Variants in STARD13 observed in about 807,000 individuals in gnomAD.
The protein encoded by STARD13 is stAR-related lipid transfer protein 13.
In STARD13, 62 loss-of-function variants were observed where a neutral mutation model predicts 106.4. The ratio of observed to expected loss-of-function variants is 0.58; its 90% confidence interval spans 0.48 to 0.72. STARD13 has a LOEUF of 0.72. STARD13 is among the 30% of genes least tolerant of loss of function. The pLI is 0.00. For synonymous variants in STARD13, 565 were observed against 553.0 expected (o/e 1.02, Z -0.31); for missense variants, 1,387 against 1,424.0 (o/e 0.97, Z 0.42).
At chr13:33,198,063 A>G (rs797196) in intron 1 of STARD13, among the ~76,000 whole-genome samples, 79,117 of 151,414 alleles carry the variant, frequency 0.52, 21,596 homozygotes, top group African/African-American at 0.69. Context: ...CTAGCTACTT[A>G]GGAGGGAGGC....
intron 1 of STARD13, among the ~76,000 whole-genome samples, chr13:33,243,370 C>A (rs936162109): frequency 2.0e-5 from 3 of 152,128 alleles, no homozygotes; most frequent in Non-Finnish European, 4.4e-5. Flanking sequence ...GGCACAGATT[C>A]CTGCCAGTGT....
At chr13:33,479,298 C>A in the STARD13 span, among the ~76,000 whole-genome samples, 16 of 152,278 alleles carry the variant, frequency 1.1e-4, no homozygotes, top group South Asian at 3.3e-3. Flanking sequence ...CACGGCATAA[C>A]CCCTATGAAG....
At chr13:33,253,702 C>T (rs1391700792) in intron 1 of STARD13, among the ~76,000 whole-genome samples, 1 of 151,918 alleles carries the variant, frequency 6.6e-6, no homozygotes, top group East Asian at 1.9e-4. Flanking sequence ...ACCACGGTGA[C>T]CCCCTTCAAT....
intron 1 of STARD13, among the ~76,000 whole-genome samples, chr13:33,317,712 T>C (rs1039710185): frequency 1.3e-5 from 2 of 152,184 alleles, no homozygotes; most frequent in African/African-American, 4.8e-5. Flanking sequence ...CTTGATACTA[T>C]GTTATATATT....
chr13:33,219,398 T>C (rs914103385), intron 1 of STARD13, among the ~76,000 whole-genome samples: 3 of 151,594 alleles, frequency 2.0e-5, no homozygotes, highest in Non-Finnish European at 4.4e-5. Context: ...ACATGATTTG[T>C]GGATCCCAGT....
intron 2 of STARD13, among the ~76,000 whole-genome samples, chr13:33,166,691 T>C (rs1490293818): frequency 6.6e-6 from 1 of 152,160 alleles, no homozygotes; most frequent in African/African-American, 2.4e-5. Flanking sequence ...GTCTATTAAC[T>C]GTCAATTAAA....
chr13:33,333,560 C>T (rs920738623), intron 1 of STARD13: 1 of 152,172 alleles, frequency 6.6e-6, no homozygotes, highest in Non-Finnish European at 1.5e-5. Flanking sequence ...GTCTACAAAG[C>T]TGACAGGTGC....
At chr13:33,292,924 G>A (rs1566122458) in intron 1 of STARD13, among the ~76,000 whole-genome samples, 1 of 151,762 alleles carries the variant, frequency 6.6e-6, no homozygotes, top group Non-Finnish European at 1.5e-5. Context: ...ACCAGGTCCT[G>A]CACAATCTAG....
chr13:33,337,668 C>T (rs1317367556), intron 1 of STARD13, among the ~76,000 whole-genome samples: 2 of 152,168 alleles, frequency 1.3e-5, no homozygotes, highest in African/African-American at 4.8e-5. Flanking sequence ...ATTGTAGATA[C>T]TCAAGGGACT....
chr13:33,247,684 TCCC>T (rs1889896986), intron 1 of STARD13, among the ~76,000 whole-genome samples: 1 of 152,194 alleles, frequency 6.6e-6, no homozygotes, highest in African/African-American at 2.4e-5. Flanking sequence ...ATATTAGATA[TCCC>T]AGTTATATAT....
the STARD13 span, among the ~76,000 whole-genome samples, chr13:33,471,630 CCT>C: frequency 1.7e-4 from 24 of 143,506 alleles, no homozygotes; most frequent in East Asian, 1.4e-3. Flanking sequence ...ATATTGGCCC[CCT>C]GTTTTTTTTT....
At chr13:33,363,208 C>T in the STARD13 span, among the ~76,000 whole-genome samples, 1 of 152,192 alleles carries the variant, frequency 6.6e-6, no homozygotes, top group Non-Finnish European at 1.5e-5. Context: ...TTTACTTAAT[C>T]AGTCCTTTTT....
chr13:33,200,535 C>T (rs1035495156), intron 1 of STARD13, among the ~76,000 whole-genome samples: 3 of 152,238 alleles, frequency 2.0e-5, no homozygotes, highest in African/African-American at 7.2e-5. Context: ...TAACCTGCTG[C>T]CACCGACATT....
rs559734229 is a variant in STARD13 at position 33,248,079 on chromosome 13, G to A, written c.169+37391C>T. 2.6e-5 allele frequency among the ~76,000 whole-genome samples: 4 copies of A among 152,256 alleles called. No homozygotes were observed. The East Asian group carries it at 7.7e-4, about 29-fold the overall frequency. The stretch of plus-strand genomic sequence containing the variant: ...AAACTTACATTTCTATTATTGTCTT[G>A]ACTTTCGAATGAGTCAGGGCTATCG... On this transcript the variant is annotated intron_variant, in intron 1 of 13. Transcript: ENST00000336934.
the STARD13 span, among the ~76,000 whole-genome samples, chr13:33,610,316 GA>G: frequency 4.0e-5 from 6 of 151,738 alleles, no homozygotes; most frequent in East Asian, 1.9e-4. Context: ...TATTTAAGGA[GA>G]AAAAAAAGCA....
At chr13:33,567,796 A>G in the STARD13 span, among the ~76,000 whole-genome samples, 1 of 147,966 alleles carries the variant, frequency 6.8e-6, no homozygotes, top group South Asian at 2.1e-4. Flanking sequence ...AATTTTAAGC[A>G]TGGGGTCAAA....
intron 6 of STARD13, 116 bp downstream of exon 6, chr13:33,127,257 T>C (rs1490670091): frequency 1.7e-6 from 2 of 1,149,144 alleles, no homozygotes; most frequent in Non-Finnish European, 2.3e-6. Context: ...CAGGAGATCA[T>C]CAGTGAAGGC....
chr13:33,106,841 T>C lies in STARD13; in HGVS notation c.3141A>G (p.Ala1047=), dbSNP rs1242401559. 1.2e-6 allele frequency: 2 copies of C among 1,614,152 alleles called. No individual in the cohort carries two copies. Among genetic ancestry groups the C allele is most frequent in the South Asian group, 1.1e-5 (1 of 91,080 alleles). The part of the protein sequence containing the change: ...EEAQLLGGVR[A]VVMDSQYLIE... ...TCAAGTACTGCGAGTCCATCACCAC[T>C]GCTCGCACACCACCCAGGAGCTGGG... Residue 1047 remains alanine (A), a synonymous_variant, in exon 13 of 14, where the codon GCA becomes GCG. Transcript: ENST00000336934.
the STARD13 span, among the ~76,000 whole-genome samples, chr13:33,588,568 G>T: frequency 6.6e-6 from 1 of 152,174 alleles, no homozygotes; most frequent in Non-Finnish European, 1.5e-5. Flanking sequence ...ATAATTAAAA[G>T]TTGATTGAAA....
Sources: gnomAD v4.1 joint callset for allele counts (sites outside exome capture counted in the v4.1 genomes callset) on GRCh38, gnomAD v4.1.1 for gene constraint, MANE v1.5 for transcripts, NCBI Gene and HGNC (gene_info 2026-07-23, HGNC 2026-07-21) for gene names.